PACRG: variants seen among roughly 807,000 people sequenced by gnomAD.
PACRG encodes the protein parkin coregulated gene protein.
In PACRG, 29 loss-of-function variants were observed where a neutral mutation model predicts 29.7. The ratio of observed to expected loss-of-function variants is 0.98; its 90% CI spans 0.73 to 1.33. The LOEUF (loss-of-function observed/expected upper bound fraction) is 1.33, where lower values mean the gene tolerates loss of function less well. Among genes scored for constraint, PACRG ranks in the 40% most tolerant of loss-of-function variants. PACRG has a pLI of 0.00. For synonymous variants in PACRG, 116 were observed against 118.7 expected (o/e 0.98, Z 0.15); for missense variants, 279 against 316.2 (o/e 0.88, Z 0.89).
chr6:162,816,320 CA>C (rs1410774789), intron 2 of PACRG, among the ~76,000 whole-genome samples: 23 of 152,198 alleles, frequency 1.5e-4, no homozygotes, highest in African/African-American at 4.8e-4. Context: ...ATTACTGTAA[CA>C]CTGAAGATAA....
At chr6:162,969,157 A>G (rs1437651485) in intron 2 of PACRG, among the ~76,000 whole-genome samples, 5 of 150,752 alleles carry the variant, frequency 3.3e-5, no homozygotes, top group African/African-American at 1.2e-4. Flanking sequence ...GTATTCACTT[A>G]TGTAGTACTT....
At chr6:163,031,300 T>C (rs1477041175) in intron 2 of PACRG, among the ~76,000 whole-genome samples, 1 of 152,214 alleles carries the variant, frequency 6.6e-6, no homozygotes, top group African/African-American at 2.4e-5. Flanking sequence ...TAGGCAACTG[T>C]TGGAACCAAG....
chr6:162,933,649 T>C (rs181489199), intron 2 of PACRG, among the ~76,000 whole-genome samples: 212 of 145,182 alleles, frequency 1.5e-3, no homozygotes, highest in African/African-American at 5.3e-3. Context: ...TTGTTTGATA[T>C]AATTACACTA....
intron 4 of PACRG, among the ~76,000 whole-genome samples, chr6:163,261,893 CT>C (rs2128175711): frequency 6.6e-6 from 1 of 152,288 alleles, no homozygotes; most frequent in South Asian, 2.1e-4. Flanking sequence ...ACTTGAGCAT[CT>C]GTGGATTTTA....
At chr6:162,800,998 G>A (rs1312285979) in intron 1 of PACRG, among the ~76,000 whole-genome samples, 2 of 152,186 alleles carry the variant, frequency 1.3e-5, no homozygotes, top group South Asian at 2.1e-4. Context: ...CTTCTGAACT[G>A]CCTGCGTCTT....
At chr6:163,068,434 A>G (rs1220830264) in intron 3 of PACRG, among the ~76,000 whole-genome samples, 1 of 150,320 alleles carries the variant, frequency 6.7e-6, no homozygotes, top group Non-Finnish European at 1.5e-5. Context: ...AACATTTTTG[A>G]ATCTTTATCT....
At chr6:163,287,987 T>C (rs1284383339) in intron 4 of PACRG, among the ~76,000 whole-genome samples, 1 of 152,206 alleles carries the variant, frequency 6.6e-6, no homozygotes. Context: ...TTGGAGAGAC[T>C]AGGCCTCCGG....
intron 4 of PACRG, among the ~76,000 whole-genome samples, chr6:163,286,641 C>G (rs1404508314): frequency 1.3e-5 from 2 of 152,150 alleles, no homozygotes; most frequent in Non-Finnish European, 2.9e-5. Flanking sequence ...ATGCTGAATT[C>G]AACAGTTCTT....
chr6:162,819,983 G>A (rs549343916), intron 2 of PACRG, among the ~76,000 whole-genome samples: 1 of 152,234 alleles, frequency 6.6e-6, no homozygotes, highest in South Asian at 2.1e-4. Context: ...AGCACTTTAG[G>A]TTCCAGAATG....
At chr6:162,803,106 A>G (rs1266622476) in intron 1 of PACRG, among the ~76,000 whole-genome samples, 1 of 152,154 alleles carries the variant, frequency 6.6e-6, no homozygotes, top group Non-Finnish European at 1.5e-5. Flanking sequence ...AGGTATTGCA[A>G]GCTTAATGTG....
chr6:162,934,156 C>T (rs532009294), intron 2 of PACRG, among the ~76,000 whole-genome samples: 61 of 151,928 alleles, frequency 4.0e-4, no homozygotes, highest in African/African-American at 1.3e-3. Flanking sequence ...CGCAGCTACT[C>T]GGGGGGCTGA....
intron 1 of PACRG, among the ~76,000 whole-genome samples, chr6:162,801,357 C>G (rs929465749): frequency 4.6e-5 from 7 of 152,104 alleles, no homozygotes; most frequent in African/African-American, 1.4e-4. Flanking sequence ...GATCCGCCCC[C>G]CTTGGCCTCC....
chr6:163,255,481 A>G (rs567766367), intron 4 of PACRG, among the ~76,000 whole-genome samples: 1 of 152,272 alleles, frequency 6.6e-6, no homozygotes, highest in African/African-American at 2.4e-5. Flanking sequence ...GGGCAAGAAT[A>G]CAGGCTCTGT....
chr6:162,762,166 G>A (rs13213417), intron 1 of PACRG, among the ~76,000 whole-genome samples: 14,540 of 152,124 alleles, frequency 0.096, 952 homozygotes, highest in South Asian at 0.23. Flanking sequence ...GGCATTGTCC[G>A]TGTGGCACTG....
chr6:163,248,480 A>G (rs142680133), intron 4 of PACRG, among the ~76,000 whole-genome samples: 2 of 151,596 alleles, frequency 1.3e-5, no homozygotes, highest in East Asian at 1.9e-4. Context: ...CAATTATTCT[A>G]ATATTTTCCC....
intron 2 of PACRG, among the ~76,000 whole-genome samples, chr6:162,990,287 A>G (rs1803328405): frequency 6.6e-6 from 1 of 151,842 alleles, no homozygotes; most frequent in African/African-American, 2.4e-5. Context: ...TGGTATTTCT[A>G]GTTCTAGATC....
At chr6:163,139,381 T>TCCTAATAAGGTGCATTTGTA (rs1554370724) in intron 4 of PACRG, among the ~76,000 whole-genome samples, 1 of 151,700 alleles carries the variant, frequency 6.6e-6, no homozygotes, top group East Asian at 1.9e-4. Flanking sequence ...AAGACCCTTA[T>TCCTAATAAGGTGCATTTGTA]CCTAATAAGG....
Position 162,782,587 on chromosome 6 carries a change from T to C in PACRG, c.157-31560T>C, listed in dbSNP as rs184950853. On this transcript the variant is annotated intron_variant, in intron 1 of 4. Coordinates refer to ENST00000366888, the MANE Select transcript of PACRG (RefSeq NM_001080379.2). ...CAATTTTTAAACATCAAATGCTTTA[T>C]TACAAAGTTAAAATAATTATAGAAA... Among the ~76,000 whole-genome samples, 318 of 151,976 alleles carry C rather than the reference T, an allele frequency of 2.1e-3. 1 individual carries two copies. Among genetic ancestry groups the C allele is most frequent in the African/African-American group, 7.4e-3 (307 of 41,540 alleles).
intron 2 of PACRG, among the ~76,000 whole-genome samples, chr6:163,018,947 C>T (rs910381966): frequency 6.6e-6 from 1 of 152,100 alleles, no homozygotes. Context: ...GTTTCTTAAA[C>T]TGTTGTCTGT....
Sources: allele counts gnomAD v4.1 joint callset (sites outside exome capture counted in the v4.1 genomes callset), GRCh38; gene constraint gnomAD v4.1.1; transcripts MANE v1.5; gene names NCBI Gene and HGNC (gene_info 2026-07-23, HGNC 2026-07-21).